The following MYT1L variants were observed in gnomAD, a reference collection of about 807,000 sequenced individuals.
MYT1L encodes myelin transcription factor 1 like, also known as myelin transcription factor 1-like protein.
MYT1L carries 12 observed loss-of-function variants against 126.7 expected under a neutral mutation model. The observed-to-expected ratio is 0.09, with a 90% confidence interval of 0.06 to 0.15. The LOEUF (loss-of-function observed/expected upper bound fraction) is 0.15. Ranked by LOEUF, MYT1L falls within the 10% of genes least tolerant of loss-of-function variation. MYT1L has a pLI of 1.00. For missense variants in MYT1L, 979 were observed against 1,585.2 expected (o/e 0.62, Z 6.49); for synonymous variants, 541 against 604.2 (o/e 0.90, Z 1.53).
In MYT1L at chr2:2,316,627, C is replaced by A. The variant is rs749755665; in HGVS notation, c.-521+14340G>T. On this transcript the variant is annotated intron_variant, in intron 1 of 24. Transcript: ENST00000647738. ...AACTGCAGAGCTGCCACGGCACGTA[C>A]GTTTCTGTGAATTGTCAAGGCAACC... 2.6e-5 allele frequency among the ~76,000 whole-genome samples: 4 copies of A among 152,154 alleles called. No individual in the cohort carries two copies. The East Asian group carries it at 5.8e-4, about 22-fold the overall frequency.
intron 4 of MYT1L, among the ~76,000 whole-genome samples, chr2:2,046,341 C>T (rs1181260418): frequency 3.3e-5 from 5 of 152,168 alleles, no homozygotes; most frequent in Non-Finnish European, 7.3e-5. Flanking sequence ...TTTATATAAT[C>T]TCCTTCATTA....
Position 1,790,413 on chromosome 2 carries a change from T to C in MYT1L, c.*1454A>G, listed in dbSNP as rs1216377230. The stretch of plus-strand genomic sequence containing the variant: ...GGAACACAGCGCTCAAAAGTGGTCT[T>C]ATGCATACATATAGTGCAGTCATTG... On this transcript the variant is annotated 3_prime_UTR_variant, in exon 25 of 25. Coordinates refer to ENST00000647738, the MANE Select transcript of MYT1L (RefSeq NM_001303052.2). The C allele has an allele frequency of 6.6e-6, 1 of 152,230 alleles. No homozygotes were observed. The highest frequency in any genetic ancestry group is 1.5e-5 in the Non-Finnish European group (1 of 68,062). The allele number at this position is 152,230 out of a possible 1,614,324, so 9.4% of individuals were successfully genotyped here.
intron 21 of MYT1L, among the ~76,000 whole-genome samples, chr2:1,834,705 A>C (rs2040595665): frequency 6.6e-6 from 1 of 152,220 alleles, no homozygotes; most frequent in Non-Finnish European, 1.5e-5. Flanking sequence ...TGTTGAATGG[A>C]GACAGTGTTT....
At chr2:1,933,229 G>A (rs563521954) in intron 9 of MYT1L, among the ~76,000 whole-genome samples, 1 of 151,592 alleles carries the variant, frequency 6.6e-6, no homozygotes, top group African/African-American at 2.4e-5. Context: ...AGAGAACCCA[G>A]GTGAGAGCTC....
chr2:1,900,663 A>T (rs1443900635), intron 14 of MYT1L, among the ~76,000 whole-genome samples: 1 of 152,204 alleles, frequency 6.6e-6, no homozygotes, highest in African/African-American at 2.4e-5. Flanking sequence ...CTAAAAGCCC[A>T]GACTTCACGC....
At chr2:2,083,602 A>C (rs1032792048) in intron 3 of MYT1L, among the ~76,000 whole-genome samples, 4 of 152,248 alleles carry the variant, frequency 2.6e-5, no homozygotes, top group African/African-American at 9.6e-5. Flanking sequence ...CAGAATCTGG[A>C]ATCGTACAAT....
intron 2 of MYT1L, among the ~76,000 whole-genome samples, chr2:2,245,431 A>C (rs908518100): frequency 2.6e-5 from 4 of 152,012 alleles, no homozygotes; most frequent in African/African-American, 7.3e-5. Context: ...AGACTAGATA[A>C]GTTAATCAAG....
At chr2:2,265,260 G>C in intron 2 of MYT1L, among the ~76,000 whole-genome samples, 1 of 151,808 alleles carries the variant, frequency 6.6e-6, no homozygotes, top group Admixed American at 6.6e-5. Context: ...CACCCGCCTC[G>C]GTCTCCCAAA....
intron 4 of MYT1L, among the ~76,000 whole-genome samples, chr2:2,033,107 AG>A (rs2066556124): frequency 1.6e-5 from 2 of 123,736 alleles, no homozygotes; most frequent in Non-Finnish European, 3.3e-5. Context: ...TTCTAGAAGG[AG>A]GGCCTTACAC....
intron 5 of MYT1L, among the ~76,000 whole-genome samples, chr2:1,981,209 G>C (rs1294500164): frequency 6.6e-6 from 1 of 152,172 alleles, no homozygotes; most frequent in African/African-American, 2.4e-5. Context: ...TACTATGGAT[G>C]AGTATTATGG....
intron 4 of MYT1L, among the ~76,000 whole-genome samples, chr2:2,000,733 AT>A (rs201859458): frequency 2.0e-5 from 3 of 151,994 alleles, no homozygotes; most frequent in South Asian, 2.1e-4. Flanking sequence ...AGCCCCAGGC[AT>A]TTTTTTTCAG....
At chr2:2,092,301 T>C (rs1437679995) in intron 3 of MYT1L, among the ~76,000 whole-genome samples, 1 of 93,962 alleles carries the variant, frequency 1.1e-5, no homozygotes, top group Non-Finnish European at 2.0e-5. Context: ...GGAGGTCAGT[T>C]TAGAAGGGGG....
intron 2 of MYT1L, among the ~76,000 whole-genome samples, chr2:2,208,999 T>TACACACACACACAC (rs34194445): frequency 6.7e-6 from 1 of 149,986 alleles, no homozygotes; most frequent in Non-Finnish European, 1.5e-5. Context: ...GGGAGGCATT[T>TACACACACACACAC]ACACACACAC....
chr2:1,832,262 G>C (rs953106675), intron 21 of MYT1L, among the ~76,000 whole-genome samples: 1 of 152,174 alleles, frequency 6.6e-6, no homozygotes, highest in African/African-American at 2.4e-5. Flanking sequence ...GCCCCTGTCT[G>C]CCAACCAGGA....
intron 8 of MYT1L, among the ~76,000 whole-genome samples, chr2:1,948,212 G>A (rs977644077): frequency 4.6e-5 from 7 of 152,162 alleles, no homozygotes; most frequent in African/African-American, 9.7e-5. Flanking sequence ...TGGATTCAGC[G>A]TAGCAACTTT....
intron 4 of MYT1L, among the ~76,000 whole-genome samples, chr2:2,033,316 A>C: frequency 8.1e-6 from 1 of 123,914 alleles, no homozygotes; most frequent in Non-Finnish European, 1.7e-5. Flanking sequence ...AGGGCCTTAC[A>C]CACACCCTCG....
At chr2:1,945,454 G>A (rs2057122138) in intron 8 of MYT1L, among the ~76,000 whole-genome samples, 2 of 152,068 alleles carry the variant, frequency 1.3e-5, no homozygotes, top group Admixed American at 6.5e-5. Flanking sequence ...GGAGCTCCTT[G>A]GTACAGTCAG....
chr2:2,296,807 G>A (rs542779554), intron 1 of MYT1L, among the ~76,000 whole-genome samples: 1 of 152,360 alleles, frequency 6.6e-6, no homozygotes, highest in Admixed American at 6.5e-5. Context: ...TGCGTCAGGA[G>A]TAAGCCTTGC....
chr2:2,225,051 C>A (rs183658569), intron 2 of MYT1L, among the ~76,000 whole-genome samples: 2 of 151,892 alleles, frequency 1.3e-5, no homozygotes, highest in East Asian at 3.9e-4. Flanking sequence ...ATTGTGTGAC[C>A]AGTCCTGTCT....
Sources: gnomAD v4.1 joint callset for allele counts (sites outside exome capture counted in the v4.1 genomes callset) on GRCh38, gnomAD v4.1.1 for gene constraint, MANE v1.5 for transcripts, NCBI Gene and HGNC (gene_info 2026-07-23, HGNC 2026-07-21) for gene names.